Variants in CDH13 observed in about 807,000 individuals in gnomAD.
The protein encoded by CDH13 is cadherin 13.
A neutral mutation model predicts 63.8 loss-of-function variants in CDH13; 24 were observed. The ratio of observed to expected loss-of-function variants is 0.38; its 90% CI spans 0.27 to 0.53. CDH13 has a LOEUF of 0.53. Among genes scored for constraint, CDH13 ranks in the 20% least tolerant of loss-of-function variants. The pLI is 0.85. For missense variants in CDH13, 1,049 were observed against 903.1 expected, an observed-to-expected ratio of 1.16 and a Z score of -2.07; for synonymous variants, 503 against 355.3, an observed-to-expected ratio of 1.42 and a Z score of -4.67.
intron 7 of CDH13, among the ~76,000 whole-genome samples, chr16:83,576,930 A>T (rs1021742687): frequency 1.3e-5 from 2 of 152,198 alleles, no homozygotes; most frequent in African/African-American, 4.8e-5. Context: ...GAATATTTTT[A>T]TTCCATTCTG....
intron 4 of CDH13, among the ~76,000 whole-genome samples, chr16:83,178,059 T>G (rs1371924662): frequency 6.6e-6 from 1 of 152,140 alleles, no homozygotes; most frequent in Non-Finnish European, 1.5e-5. Flanking sequence ...CCAGAACCCC[T>G]GAAATCTAGT....
chr16:83,348,738 C>G (rs1435051514), intron 6 of CDH13, among the ~76,000 whole-genome samples: 1 of 152,152 alleles, frequency 6.6e-6, no homozygotes, highest in African/African-American at 2.4e-5. Flanking sequence ...CTTCTAGGAC[C>G]CTCTGCAAAT....
intron 2 of CDH13, among the ~76,000 whole-genome samples, chr16:82,982,821 C>G (rs1910456972): frequency 6.6e-6 from 1 of 152,094 alleles, no homozygotes; most frequent in African/African-American, 2.4e-5. Flanking sequence ...CCTCCATTTC[C>G]CAGTATTTAT....
chr16:83,079,329 T>G (rs1319913313), intron 3 of CDH13, among the ~76,000 whole-genome samples: 6 of 152,170 alleles, frequency 3.9e-5, no homozygotes, highest in South Asian at 2.1e-4. Flanking sequence ...GTTATTCATA[T>G]TCTTCTTATT....
At chr16:83,774,168 G>A (rs941020756) in intron 11 of CDH13, among the ~76,000 whole-genome samples, 1 of 152,112 alleles carries the variant, frequency 6.6e-6, no homozygotes, top group African/African-American at 2.4e-5. Flanking sequence ...GGTGATACCA[G>A]CAAGCCTAGG....
intron 1 of CDH13, among the ~76,000 whole-genome samples, chr16:82,815,513 A>G (rs990459264): frequency 1.3e-5 from 2 of 152,214 alleles, no homozygotes; most frequent in African/African-American, 4.8e-5. Context: ...CACTCCCTAC[A>G]TGGGAGATAT....
At chr16:83,794,974 G>C in intron 13 of CDH13, 49 bp from the exon 14 acceptor site, 2 of 1,555,574 alleles carry the variant, frequency 1.3e-6, no homozygotes, top group Non-Finnish European at 1.8e-6. Flanking sequence ...AAAATGTTTT[G>C]AATTGAGTGG....
rs1225498263 is a variant in CDH13 at position 83,800,163 on chromosome 16, G to A, written c.*5133G>A. The A allele has an allele frequency of 6.6e-6, 1 of 150,874 alleles. No individual in the cohort carries two copies. Among genetic ancestry groups the A allele is most frequent in the Non-Finnish European group, 1.5e-5 (1 of 67,602 alleles). 9.3% of individuals were successfully genotyped at this position (150,874 alleles called of 1,614,324 possible). A position where few individuals can be genotyped will look rare whatever the true frequency, so the allele number is the denominator to read the frequency against. ...TGGTGAAAAGCGTTGGGTGGTGTAG[G>A]ACGAGGGAGGTTTTCACTCTGAAGC... is the stretch of plus-strand genomic sequence containing the variant. On this transcript the variant is annotated 3_prime_UTR_variant, in exon 14 of 14. Coordinates refer to ENST00000567109, the MANE Select transcript of CDH13 (RefSeq NM_001257.5).
At chr16:82,896,385 G>C (rs1362158585) in intron 2 of CDH13, among the ~76,000 whole-genome samples, 1 of 146,410 alleles carries the variant, frequency 6.8e-6, no homozygotes, top group East Asian at 2.1e-4. Flanking sequence ...TTGGCCTCCT[G>C]GACTCAAGTA....
At chr16:83,382,483 C>T (rs2091587883) in intron 6 of CDH13, among the ~76,000 whole-genome samples, 1 of 152,084 alleles carries the variant, frequency 6.6e-6, no homozygotes, top group Non-Finnish European at 1.5e-5. Flanking sequence ...ACTCTATCTC[C>T]CTATGTATGT....
At chr16:83,547,891 C>G (rs2075417219) in intron 7 of CDH13, among the ~76,000 whole-genome samples, 1 of 152,078 alleles carries the variant, frequency 6.6e-6, no homozygotes, top group African/African-American at 2.4e-5. Flanking sequence ...CCTGGGGCAT[C>G]AGGAGCTGCT....
At chr16:82,921,387 C>G (rs1246039413) in intron 2 of CDH13, among the ~76,000 whole-genome samples, 1 of 152,112 alleles carries the variant, frequency 6.6e-6, no homozygotes, top group Non-Finnish European at 1.5e-5. Context: ...CTTCAAGTAT[C>G]CCTTTTCTCT....
At chr16:83,057,177 G>A (rs1370620238) in intron 3 of CDH13, among the ~76,000 whole-genome samples, 2 of 152,152 alleles carry the variant, frequency 1.3e-5, no homozygotes, top group African/African-American at 4.8e-5. Context: ...ATGTTGGCCA[G>A]GATGGTCTTG....
chr16:82,935,986 C>A (rs909097577), intron 2 of CDH13, among the ~76,000 whole-genome samples: 2 of 152,050 alleles, frequency 1.3e-5, no homozygotes, highest in African/African-American at 2.4e-5. Context: ...TAGTGCTCAC[C>A]CATTGGTTCT....
intron 2 of CDH13, among the ~76,000 whole-genome samples, chr16:83,016,430 G>T (rs1322397551): frequency 1.3e-5 from 2 of 152,176 alleles, no homozygotes; most frequent in Non-Finnish European, 2.9e-5. Flanking sequence ...TCTAGGGCTA[G>T]CACCAAGCCT....
intron 5 of CDH13, among the ~76,000 whole-genome samples, chr16:83,293,193 G>C (rs2089505268): frequency 6.6e-6 from 1 of 152,154 alleles, no homozygotes; most frequent in South Asian, 2.1e-4. Context: ...ACTCATATCT[G>C]ATAAGGGCCA....
chr16:82,983,584 A>T (rs1038813257), intron 2 of CDH13, among the ~76,000 whole-genome samples: 3 of 152,310 alleles, frequency 2.0e-5, no homozygotes, highest in African/African-American at 7.2e-5. Flanking sequence ...GGAAAATGAG[A>T]TGTTTTAGAA....
intron 1 of CDH13, among the ~76,000 whole-genome samples, chr16:82,753,825 G>C (rs1009346832): frequency 6.6e-6 from 1 of 152,204 alleles, no homozygotes; most frequent in African/African-American, 2.4e-5. Flanking sequence ...CATCAAGAGA[G>C]AAGTGGCCTT....
intron 1 of CDH13, among the ~76,000 whole-genome samples, chr16:82,808,720 G>C (rs1280017324): frequency 1.3e-5 from 2 of 152,166 alleles, no homozygotes; most frequent in African/African-American, 4.8e-5. Context: ...ACAAGATAAA[G>C]ATGTTTGTAC....
Sources: allele counts gnomAD v4.1 joint callset (sites outside exome capture counted in the v4.1 genomes callset), GRCh38; gene constraint gnomAD v4.1.1; transcripts MANE v1.5; gene names NCBI Gene and HGNC (gene_info 2026-07-23, HGNC 2026-07-21).